COL4A1: variants seen among roughly 807,000 people sequenced by gnomAD.
COL4A1 encodes the protein collagen alpha-1(IV) chain.
Under a neutral mutation model 216.6 loss-of-function variants are expected in COL4A1, and 40 were observed. The observed-to-expected ratio is 0.18, with a 90% CI of 0.14 to 0.24. The LOEUF is 0.24. COL4A1 is among the 10% of genes least tolerant of loss of function. The pLI, the probability that COL4A1 is intolerant of heterozygous loss-of-function variation, is 1.00. For missense variants in COL4A1, 1,628 were observed against 2,196.8 expected (o/e 0.74, Z 5.18); for synonymous variants, 839 against 810.7 (o/e 1.03, Z -0.59).
intron 1 of COL4A1, among the ~76,000 whole-genome samples, chr13:110,276,755 G>A (rs1014459951): frequency 2.0e-5 from 3 of 152,082 alleles, no homozygotes; most frequent in East Asian, 1.9e-4. Context: ...TTAATTCCAC[G>A]ACTGCTACGT....
chr13:110,160,412 C>A lies in COL4A1; in HGVS notation c.4640+780G>T, dbSNP rs1029608937. On this transcript the variant is annotated intron_variant, in intron 49 of 51. Coordinates refer to ENST00000375820, the MANE Select transcript of COL4A1 (RefSeq NM_001845.6). ...GAGCCGAGATTGCGCCACTGCAGTC[C>A]GCAGTCCGGCCTGGGTGACAGAGCG... Among the ~76,000 whole-genome samples, 8 of 88,116 alleles carry A rather than the reference C, an allele frequency of 9.1e-5. 2 individuals are homozygous for A. The highest frequency in any genetic ancestry group is 4.0e-4 in the African/African-American group (8 of 20,154). The allele number at this position is 88,116 out of a possible 152,430, so 57.8% of individuals were successfully genotyped here.
chr13:110,224,161 C>T (rs1566389990), intron 2 of COL4A1, among the ~76,000 whole-genome samples: 2 of 152,236 alleles, frequency 1.3e-5, no homozygotes, highest in South Asian at 4.1e-4. Flanking sequence ...CTCTGCTCAC[C>T]AGCACAACCG....
chr13:110,211,523 A>T lies in COL4A1; in HGVS notation c.468+124T>A. On this transcript the variant is annotated intron_variant, in intron 8 of 51. Coordinates refer to ENST00000375820, the MANE Select transcript of COL4A1 (RefSeq NM_001845.6). This position sits in a 1 kb window ranked among gnomAD's most constrained non-coding sequence, Gnocchi z 4.3. ...ACAGTCTTTTCATGTAACAGAGTTT[A>T]GGGAAGTGTGTTCAGAAACAATCGA... The T allele has an allele frequency of 1.2e-6, 1 of 864,536 alleles. No homozygotes were observed. Among genetic ancestry groups the T allele is most frequent in the Non-Finnish European group, 1.8e-6 (1 of 552,186 alleles). 53.6% of individuals were successfully genotyped at this position (864,536 alleles called of 1,614,324 possible). A position where few individuals can be genotyped will look rare whatever the true frequency, so the allele number is the denominator to read the frequency against.
intron 1 of COL4A1, among the ~76,000 whole-genome samples, chr13:110,266,372 C>A (rs929750720): frequency 6.6e-6 from 1 of 152,140 alleles, no homozygotes; most frequent in African/African-American, 2.4e-5. Context: ...CCAACTCTGT[C>A]GCCACGAATC....
At chr13:110,196,281 G>A (rs1201677787) in intron 21 of COL4A1, among the ~76,000 whole-genome samples, 1 of 152,184 alleles carries the variant, frequency 6.6e-6, no homozygotes, top group Non-Finnish European at 1.5e-5. Context: ...CACTGCTAGG[G>A]ACCTGCTCCT....
At chr13:110,248,904 C>T (rs537812282) in intron 1 of COL4A1, among the ~76,000 whole-genome samples, 1 of 152,218 alleles carries the variant, frequency 6.6e-6, no homozygotes, top group African/African-American at 2.4e-5. Flanking sequence ...TTTCGGATAG[C>T]GAAACCTCAA....
At chr13:110,181,422 A>G (rs2139167687) in intron 28 of COL4A1, 33 bp from the exon 29 acceptor site, 1 of 1,554,482 alleles carries the variant, frequency 6.4e-7, no homozygotes, top group Non-Finnish European at 8.8e-7. Context: ...AAAAACAAAC[A>G]AACAATCATT....
At chr13:110,270,617 A>C (rs1052822339) in intron 1 of COL4A1, among the ~76,000 whole-genome samples, 1 of 151,964 alleles carries the variant, frequency 6.6e-6, no homozygotes, top group African/African-American at 2.4e-5. Context: ...GGCAGATGGG[A>C]ACGAGGTCTC....
intron 26 of COL4A1, among the ~76,000 whole-genome samples, chr13:110,185,052 T>C (rs1211632875): frequency 6.6e-6 from 1 of 152,256 alleles, no homozygotes; most frequent in African/African-American, 2.4e-5. Flanking sequence ...GTTATTGACA[T>C]AATCAGCACA....
intron 1 of COL4A1, among the ~76,000 whole-genome samples, chr13:110,290,521 C>T (rs1225595931): frequency 2.0e-5 from 3 of 152,086 alleles, no homozygotes; most frequent in Admixed American, 6.6e-5. Flanking sequence ...CCGGCTTCCT[C>T]GATCCTTCCT....
chr13:110,229,747 T>C (rs1880926447), intron 2 of COL4A1, among the ~76,000 whole-genome samples: 1 of 152,228 alleles, frequency 6.6e-6, no homozygotes, highest in Non-Finnish European at 1.5e-5. Flanking sequence ...ATCTTGGACT[T>C]CCAGCCTCCA....
intron 42 of COL4A1, among the ~76,000 whole-genome samples, 169 bp from the exon 43 acceptor site, chr13:110,169,931 G>GGGAGGGAGGAAGGGAGGAA: frequency 6.6e-6 from 1 of 150,458 alleles, no homozygotes; most frequent in East Asian, 2.0e-4. Context: ...GAAGGAAGGA[G>GGGAGGGAGGAAGGGAGGAA]GGAGGGAGGG....
intron 2 of COL4A1, among the ~76,000 whole-genome samples, chr13:110,230,054 C>T (rs886253238): frequency 6.6e-6 from 1 of 152,116 alleles, no homozygotes; most frequent in Non-Finnish European, 1.5e-5. Context: ...CCAAAATCCC[C>T]CACTCAGGAA....
chr13:110,150,171 G>A lies in COL4A1; in HGVS notation c.*192C>T, dbSNP rs577604834. Reference sequence around the variant, plus strand: ...GGTATGCCACTATTGAAAGCTTATCGCTGTCTTTTTCTCCTTCAGCAAGTA... The same window carrying A: ...GGTATGCCACTATTGAAAGCTTATCACTGTCTTTTTCTCCTTCAGCAAGTA... On this transcript the variant is annotated 3_prime_UTR_variant, in exon 52 of 52. Transcript: ENST00000375820. 20 of 651,566 alleles carry A rather than the reference G, an allele frequency of 3.1e-5. 1 individual carries two copies. The Middle Eastern group carries it at 1.3e-3, about 43-fold the overall frequency. 40.4% of individuals were successfully genotyped at this position (651,566 alleles called of 1,614,324 possible).
rs753989899 is a variant in COL4A1, at chr13:110,212,461, C to T, written c.343G>A (p.Gly115Ser). Residue 115 changes from glycine to serine, a missense_variant, in exon 6 of 52, where the codon GGC (glycine) becomes AGC (serine). By Grantham distance (56) the Gly-to-Ser change is moderately conservative. This residue lies in a region of COL4A1 where 150 missense variants were observed against 211.9 expected (regional missense o/e 0.71). Coordinates refer to ENST00000375820, the MANE Select transcript of COL4A1 (RefSeq NM_001845.6). ...PGLPGIPGQD[G>S]PPGPPGIPGC... ...GGAATACCTGGGGGGCCTGGCGGGC[C>T]GTCTTGGCCAGGAATTCCCTGCAAT... The T allele has an allele frequency of 1.9e-5, 31 of 1,613,960 alleles. No homozygotes were observed. Among genetic ancestry groups the T allele is most frequent in the African/African-American group, 2.7e-5 (2 of 74,868 alleles).
At chr13:110,209,266 A>T in intron 11 of COL4A1, 126 bp downstream of exon 11, 1 of 742,784 alleles carries the variant, frequency 1.3e-6, no homozygotes, top group Non-Finnish European at 2.3e-6. Context: ...TTAAAGGTAT[A>T]GTTAGATATA....
chr13:110,204,648 A>ATT (rs377187830), intron 17 of COL4A1, among the ~76,000 whole-genome samples: 79,201 of 142,780 alleles, frequency 0.55, 22,450 homozygotes, highest in East Asian at 0.74. Context: ...TATTTTTTAG[A>ATT]TTTTTTTTTT....
rs889685909 is a variant in COL4A1, at chr13:110,306,892, G to C, written c.84+52C>G. 34 of 1,415,474 alleles carry C rather than the reference G, an allele frequency of 2.4e-5. No individual in the cohort carries two copies. The African/African-American group carries it at 4.6e-4, about 19-fold the overall frequency. The allele number at this position is 1,415,474 out of a possible 1,614,324, so 87.7% of individuals were successfully genotyped here. A position where few individuals can be genotyped will look rare whatever the true frequency, so the allele number is the denominator to read the frequency against. ...AGGCGCGGACAAAGGGGCCTCTCGG[G>C]GCGCCCAAGCTCGGGGCGGGACGCC... On this transcript the variant is annotated intron_variant, in intron 1 of 51. Coordinates refer to ENST00000375820, the MANE Select transcript of COL4A1 (RefSeq NM_001845.6).
chr13:110,217,386 C>T (rs752121835), intron 2 of COL4A1, among the ~76,000 whole-genome samples: 5 of 152,166 alleles, frequency 3.3e-5, no homozygotes, highest in African/African-American at 4.8e-5. Context: ...ACAGTGACCC[C>T]CCACTTCCAC....
Sources: gnomAD v4.1 joint callset for allele counts (sites outside exome capture counted in the v4.1 genomes callset) on GRCh38, gnomAD v4.1.1 for gene constraint, gnomAD v4.1.1 regional missense constraint, Gnocchi (gnomAD v3.1) non-coding constraint, MANE v1.5 for transcripts, NCBI Gene and HGNC (gene_info 2026-07-23, HGNC 2026-07-21) for gene names.